OXCT1: variants seen among roughly 807,000 people sequenced by gnomAD.
OXCT1 encodes the protein 3-oxoacid CoA-transferase 1, also known as succinyl-CoA:3-ketoacid coenzyme A transferase 1, mitochondrial.
In OXCT1, 27 loss-of-function variants were observed where a neutral mutation model predicts 69.6. The ratio of observed to expected loss-of-function variants is 0.39; its 90% CI spans 0.29 to 0.54. The LOEUF (loss-of-function observed/expected upper bound fraction) is 0.54, where lower values mean the gene tolerates loss of function less well. OXCT1 is among the 20% of genes least tolerant of loss of function. The pLI is 0.72. For synonymous variants in OXCT1, 202 were observed against 217.8 expected (o/e 0.93, Z 0.64); for missense variants, 437 against 650.2 (o/e 0.67, Z 3.57).
intron 14 of OXCT1, among the ~76,000 whole-genome samples, chr5:41,756,335 C>G (rs1271852400): frequency 6.6e-6 from 1 of 152,054 alleles, no homozygotes; most frequent in African/African-American, 2.4e-5. Flanking sequence ...ACAGATTCTT[C>G]ATGTTGTTAG....
At chr5:41,787,634 C>CAAAAAAAAA (rs765691863) in intron 13 of OXCT1, among the ~76,000 whole-genome samples, 7 of 34,710 alleles carry the variant, frequency 2.0e-4, no homozygotes, top group African/African-American at 4.2e-4. Flanking sequence ...AAGCATTAGG[C>CAAAAAAAAA]AAAAAAAAAA....
rs1254442717 is a variant in OXCT1, at chr5:41,870,227, G to A, written c.78+54C>T. 1.4e-6 allele frequency: 2 copies of A among 1,393,978 alleles called. No homozygotes were observed. Among genetic ancestry groups the A allele is most frequent in the Non-Finnish European group, 2.0e-6 (2 of 980,550 alleles). 86.4% of individuals were successfully genotyped at this position (1,393,978 alleles called of 1,614,324 possible). On this transcript the variant is annotated intron_variant, in intron 1 of 16. Coordinates refer to ENST00000196371, the MANE Select transcript of OXCT1 (RefSeq NM_000436.4). This position sits in a 1 kb window ranked among gnomAD's most constrained non-coding sequence, Gnocchi z 4.2. ...GAGAAGAAAACGCGGGCACCACTCA[G>A]GGTTTGGTCCACGTTCTTCCTGCCC...
At chr5:41,813,971 C>A (rs752206525) in intron 7 of OXCT1, among the ~76,000 whole-genome samples, 2 of 151,988 alleles carry the variant, frequency 1.3e-5, no homozygotes, top group Non-Finnish European at 2.9e-5. Flanking sequence ...TATTTGGCAT[C>A]CCAGGCCTCA....
chr5:41,819,773 A>G (rs1747456144), intron 7 of OXCT1, among the ~76,000 whole-genome samples: 1 of 152,090 alleles, frequency 6.6e-6, no homozygotes, highest in Non-Finnish European at 1.5e-5. Context: ...AAAACAATGA[A>G]TCAACAGCAC....
At position 41,738,320 on chromosome 5, in the gene OXCT1, G is replaced by A. The variant is rs528814278; in HGVS notation, c.1521+1070C>T. Among the ~76,000 whole-genome samples the A allele has an allele frequency of 1.1e-4, 17 of 152,266 alleles. No homozygotes were observed. The South Asian group carries it at 3.5e-3, about 32-fold the overall frequency. On this transcript the variant is annotated intron_variant, in intron 16 of 16. Transcript: ENST00000196371. ...CACCCAAATCTCATCTTGATTTGGA[G>A]CTCCCATAATCCCCTTGTGTCACGG...
At chr5:41,742,911 C>G (rs953532396) in intron 15 of OXCT1, among the ~76,000 whole-genome samples, 2 of 152,166 alleles carry the variant, frequency 1.3e-5, no homozygotes, top group Non-Finnish European at 2.9e-5. Context: ...CAAGTCTTTG[C>G]TATTGTGAAT....
At chr5:41,853,307 G>A in intron 4 of OXCT1, 112 bp downstream of exon 4, 1 of 915,024 alleles carries the variant, frequency 1.1e-6, no homozygotes, top group Admixed American at 2.1e-5. Flanking sequence ...TCCCTGGTTT[G>A]GCAAAGTACT....
intron 13 of OXCT1, among the ~76,000 whole-genome samples, chr5:41,782,782 G>GT (rs1469044731): frequency 1.3e-5 from 2 of 152,154 alleles, no homozygotes; most frequent in Non-Finnish European, 2.9e-5. Context: ...GTATTGGGAT[G>GT]TTTTTCAAAG....
In OXCT1 at chr5:41,762,452, G is replaced by A. The variant is rs1351207908; in HGVS notation, c.1249-252C>T. ...GATTTTCTTGACATTTTAGCAATAAGACAATCAGTGGATTAAAAAAAATTA... is the reference window on the plus strand; with the variant it reads ...GATTTTCTTGACATTTTAGCAATAAAACAATCAGTGGATTAAAAAAAATTA... On this transcript the variant is annotated intron_variant, in intron 13 of 16. Coordinates refer to ENST00000196371, the MANE Select transcript of OXCT1 (RefSeq NM_000436.4). This position sits in a 1 kb window ranked among gnomAD's most constrained non-coding sequence, Gnocchi z 4.0. 6.6e-6 allele frequency among the ~76,000 whole-genome samples: 1 copy of A among 151,954 alleles called. No individual in the cohort carries two copies. The highest frequency in any genetic ancestry group is 1.5e-5 in the Non-Finnish European group (1 of 67,980).
chr5:41,831,654 A>G (rs1333814316), intron 7 of OXCT1, among the ~76,000 whole-genome samples: 1 of 152,122 alleles, frequency 6.6e-6, no homozygotes, highest in Non-Finnish European at 1.5e-5. Context: ...GCACTGTAAT[A>G]TCTGGTACTT....
At chr5:41,865,030 C>T (rs1423809597) in intron 1 of OXCT1, among the ~76,000 whole-genome samples, 1 of 152,168 alleles carries the variant, frequency 6.6e-6, no homozygotes, top group Non-Finnish European at 1.5e-5. Flanking sequence ...CTCATTTCCC[C>T]TATATACCTA....
At chr5:41,741,921 T>A (rs192590526) in intron 15 of OXCT1, among the ~76,000 whole-genome samples, 23 of 152,324 alleles carry the variant, frequency 1.5e-4, no homozygotes, top group Non-Finnish European at 7.4e-5. Flanking sequence ...TAAATTTTTT[T>A]AAAATGAACA....
chr5:41,732,243 C>T (rs145740758), intron 16 of OXCT1, among the ~76,000 whole-genome samples: 40 of 152,008 alleles, frequency 2.6e-4, no homozygotes, highest in East Asian at 2.5e-3. Context: ...AATGAAGAGA[C>T]GTATGATCAA....
intron 5 of OXCT1, among the ~76,000 whole-genome samples, chr5:41,845,492 C>T (rs994557660): frequency 6.6e-6 from 1 of 151,802 alleles, no homozygotes; most frequent in African/African-American, 2.4e-5. Context: ...GTGCTTAGAC[C>T]AGGGTTTGGC....
At chr5:41,733,176 A>G (rs1742719491) in intron 16 of OXCT1, among the ~76,000 whole-genome samples, 1 of 152,048 alleles carries the variant, frequency 6.6e-6, no homozygotes, top group Non-Finnish European at 1.5e-5. Context: ...TTAGATAAGT[A>G]TATCTCACAG....
At chr5:41,820,301 T>C (rs1002395952) in intron 7 of OXCT1, among the ~76,000 whole-genome samples, 8 of 152,194 alleles carry the variant, frequency 5.3e-5, no homozygotes, top group African/African-American at 1.9e-4. Context: ...AATGATACTT[T>C]TATATATCAC....
chr5:41,826,154 G>A (rs1747798995), intron 7 of OXCT1, among the ~76,000 whole-genome samples: 1 of 152,154 alleles, frequency 6.6e-6, no homozygotes, highest in Admixed American at 6.5e-5. Context: ...TTGATGTAAG[G>A]TATCAGCATG....
intron 8 of OXCT1, among the ~76,000 whole-genome samples, chr5:41,806,473 T>C (rs559056439): frequency 6.6e-6 from 1 of 152,206 alleles, no homozygotes; most frequent in South Asian, 2.1e-4. Context: ...TACTTTCCAA[T>C]GTTGGAGATG....
At chr5:41,804,771 G>A (rs561957847) in intron 9 of OXCT1, among the ~76,000 whole-genome samples, 387 of 152,222 alleles carry the variant, frequency 2.5e-3, no homozygotes, top group South Asian at 4.8e-3. Context: ...CTGGAAGACT[G>A]ACATTCATGG....
Sources: allele counts gnomAD v4.1 joint callset (sites outside exome capture counted in the v4.1 genomes callset), GRCh38; gene constraint gnomAD v4.1.1; non-coding constraint Gnocchi (gnomAD v3.1); transcripts MANE v1.5; gene names NCBI Gene and HGNC (gene_info 2026-07-23, HGNC 2026-07-21).